The following MLIP variants were observed in gnomAD, a reference collection of about 807,000 sequenced individuals.
MLIP encodes the protein muscular LMNA-interacting protein.
MLIP carries 79 observed loss-of-function variants against 84.8 expected under a neutral mutation model. That is an observed-to-expected ratio of 0.93 (90% CI 0.78 to 1.12). The LOEUF is 1.12. Among genes scored for constraint, MLIP ranks in the 50% most tolerant of loss-of-function variants. MLIP has a pLI of 0.00. For synonymous variants in MLIP, 504 were observed against 463.0 expected, an observed-to-expected ratio of 1.09 and a Z score of -1.14; for missense variants, 1,257 against 1,160.6, an observed-to-expected ratio of 1.08 and a Z score of -1.21.
At chr6:54,195,606 A>G (rs1027866580) in intron 10 of MLIP, among the ~76,000 whole-genome samples, 5 of 152,126 alleles carry the variant, frequency 3.3e-5, no homozygotes, top group Admixed American at 6.6e-5. Flanking sequence ...ATCTATTTAC[A>G]TAGTGCCCAA....
intron 10 of MLIP, among the ~76,000 whole-genome samples, chr6:54,193,810 C>T (rs1778106980): frequency 6.6e-6 from 1 of 152,066 alleles, no homozygotes; most frequent in Admixed American, 6.6e-5. Flanking sequence ...CTGCGTTAAA[C>T]CTTCACAAAG....
intron 3 of MLIP, among the ~76,000 whole-genome samples, chr6:54,135,734 C>A (rs1771739101): frequency 6.6e-6 from 1 of 151,978 alleles, no homozygotes; most frequent in South Asian, 2.1e-4. Context: ...ATAATCAAAT[C>A]AATGACTTTT....
intron 9 of MLIP, among the ~76,000 whole-genome samples, chr6:54,184,235 G>C (rs1384114363): frequency 6.6e-6 from 1 of 152,104 alleles, no homozygotes; most frequent in Non-Finnish European, 1.5e-5. Context: ...AGAGAAAAAG[G>C]GAAAAGAAGC....
intron 11 of MLIP, among the ~76,000 whole-genome samples, chr6:54,204,451 T>C (rs1356150866): frequency 6.6e-6 from 1 of 152,212 alleles, no homozygotes; most frequent in African/African-American, 2.4e-5. Flanking sequence ...TTAGCAGTTA[T>C]ATGAAAATCA....
chr6:54,204,828 TAA>T (rs1778927182), intron 11 of MLIP, among the ~76,000 whole-genome samples: 1 of 152,242 alleles, frequency 6.6e-6, no homozygotes, highest in African/African-American at 2.4e-5. Flanking sequence ...TTGCAAATCT[TAA>T]GTTACCACAG....
intron 11 of MLIP, among the ~76,000 whole-genome samples, chr6:54,209,828 G>T (rs1474723883): frequency 1.3e-5 from 2 of 151,844 alleles, no homozygotes; most frequent in African/African-American, 4.8e-5. Context: ...CTAAAACTTA[G>T]AGATACAGAC....
At chr6:54,147,104 A>G (rs943859216) in intron 4 of MLIP, among the ~76,000 whole-genome samples, 18 of 152,294 alleles carry the variant, frequency 1.2e-4, no homozygotes, top group Middle Eastern at 3.4e-3. Flanking sequence ...GATTGCAACT[A>G]TAACTACAAT....
At chr6:54,021,196 A>G (rs983008555) in intron 1 of MLIP, among the ~76,000 whole-genome samples, 3 of 152,198 alleles carry the variant, frequency 2.0e-5, no homozygotes, top group African/African-American at 4.8e-5. Context: ...TGAAAAATGT[A>G]TTTTTGTGGA....
chr6:54,175,146 T>C (rs139315419), intron 9 of MLIP, among the ~76,000 whole-genome samples: 87 of 152,234 alleles, frequency 5.7e-4, no homozygotes, highest in African/African-American at 1.9e-3. Flanking sequence ...TTTTGGTTAC[T>C]ATAGCTCTGT....
chr6:54,156,046 C>T (rs1773991069), intron 5 of MLIP, among the ~76,000 whole-genome samples: 1 of 151,926 alleles, frequency 6.6e-6, no homozygotes, highest in Non-Finnish European at 1.5e-5. Flanking sequence ...TCTAGAGAAA[C>T]AATATCTTCC....
chr6:54,114,756 C>A (rs1289287759), intron 1 of MLIP, among the ~76,000 whole-genome samples: 1 of 152,114 alleles, frequency 6.6e-6, no homozygotes, highest in South Asian at 2.1e-4. Flanking sequence ...GTTATGGCAC[C>A]AACCCCTAGA....
chr6:54,074,180 A>G (rs1415705275), intron 1 of MLIP, among the ~76,000 whole-genome samples: 1 of 152,172 alleles, frequency 6.6e-6, no homozygotes, highest in East Asian at 1.9e-4. Context: ...CTATTGATAA[A>G]TGGCTCCCAG....
chr6:54,076,852 G>A (rs917322239), intron 1 of MLIP, among the ~76,000 whole-genome samples: 2 of 151,968 alleles, frequency 1.3e-5, no homozygotes, highest in Non-Finnish European at 2.9e-5. Context: ...GGTAAGATTT[G>A]CCAGAGGCCA....
intron 8 of MLIP, among the ~76,000 whole-genome samples, chr6:54,162,837 C>A (rs933738848): frequency 1.3e-5 from 2 of 151,916 alleles, no homozygotes; most frequent in African/African-American, 4.8e-5. Flanking sequence ...CACATAGACA[C>A]CGTGAGCGTC....
At chr6:54,134,615 G>A (rs1385980596) in intron 3 of MLIP, among the ~76,000 whole-genome samples, 3 of 151,932 alleles carry the variant, frequency 2.0e-5, no homozygotes, top group Non-Finnish European at 2.9e-5. Context: ...ATTAATTAAT[G>A]TAGTAGAATG....
intron 1 of MLIP, among the ~76,000 whole-genome samples, chr6:54,052,128 G>C (rs532979856): frequency 6.6e-6 from 1 of 152,268 alleles, no homozygotes; most frequent in South Asian, 2.1e-4. Flanking sequence ...ACAGCGTTAA[G>C]CTAGAAAATT....
At chr6:54,165,199 G>A (rs1775050766) in intron 8 of MLIP, among the ~76,000 whole-genome samples, 1 of 151,826 alleles carries the variant, frequency 6.6e-6, no homozygotes. Context: ...AGGAGCATGT[G>A]CTTCAGAAGG....
intron 9 of MLIP, among the ~76,000 whole-genome samples, chr6:54,182,561 T>TAA (rs1211891377): frequency 4.6e-5 from 7 of 152,260 alleles, no homozygotes; most frequent in African/African-American, 1.4e-4. Context: ...CTGCGGGAGG[T>TAA]ACGAACACTG....
At chr6:54,140,683 C>CT (rs890410668) in intron 4 of MLIP, among the ~76,000 whole-genome samples, 14 of 151,950 alleles carry the variant, frequency 9.2e-5, no homozygotes, top group Non-Finnish European at 1.6e-4. Flanking sequence ...AGTCAGCCTA[C>CT]TTTTTTTTAT....
Sources: allele counts gnomAD v4.1 joint callset (sites outside exome capture counted in the v4.1 genomes callset), GRCh38; gene constraint gnomAD v4.1.1; transcripts MANE v1.5; gene names NCBI Gene and HGNC (gene_info 2026-07-23, HGNC 2026-07-21).